The following PCDHA7 variants were observed in gnomAD, a reference collection of about 807,000 sequenced individuals.
PCDHA7 encodes protocadherin alpha-7.
PCDHA7 carries 37 observed loss-of-function variants against 57.2 expected under a neutral mutation model. The ratio of observed to expected loss-of-function variants is 0.65; its 90% CI spans 0.50 to 0.85. PCDHA7 has a LOEUF of 0.85. PCDHA7 is among the 40% of genes least tolerant of loss of function. The pLI is 0.00. For missense variants in PCDHA7, 1,188 were observed against 1,241.8 expected, an observed-to-expected ratio of 0.96 and a Z score of 0.65; for synonymous variants, 553 against 558.8, an observed-to-expected ratio of 0.99 and a Z score of 0.15.
At chr5:140,864,237 C>G (rs2048381218) in intron 1 of PCDHA7, 2 of 152,002 alleles carry the variant, frequency 1.3e-5, no homozygotes, top group Non-Finnish European at 2.9e-5. Flanking sequence ...GTTCTTTATT[C>G]CTATTCATTT....
At chr5:140,848,505 T>C in intron 1 of PCDHA7, 1 of 1,587,952 alleles carries the variant, frequency 6.3e-7, no homozygotes, top group Non-Finnish European at 8.6e-7. Flanking sequence ...AATGTTATAC[T>C]CAAGTCGAGG....
intron 1 of PCDHA7, among the ~76,000 whole-genome samples, chr5:140,942,264 G>T (rs868983277): frequency 5.9e-5 from 9 of 152,122 alleles, no homozygotes; most frequent in Non-Finnish European, 1.2e-4. Flanking sequence ...GATATCTAAA[G>T]CTGGTAATGG....
Position 140,858,116 on chromosome 5 carries a change from G to A in PCDHA7, c.2355+21378G>A, listed in dbSNP as rs140097524. The A allele has an allele frequency of 1.6e-5, 26 of 1,597,882 alleles. 1 individual carries two copies. The Middle Eastern group carries it at 5.1e-4, about 31-fold the overall frequency. Reference sequence around the variant, plus strand: ...TTCAGTGGGCGTGGCGCCCGAGGTGGCCCTGGTGGATGTCAACGTGTACCT... The same window carrying A: ...TTCAGTGGGCGTGGCGCCCGAGGTGACCCTGGTGGATGTCAACGTGTACCT... On this transcript the variant is annotated intron_variant, in intron 1 of 3. Coordinates refer to ENST00000525929, the MANE Select transcript of PCDHA7 (RefSeq NM_018910.3).
intron 1 of PCDHA7, chr5:140,852,998 C>A (rs2150526910): frequency 6.5e-6 from 2 of 309,332 alleles, no homozygotes; most frequent in East Asian, 1.7e-4. Context: ...CCTGCCTCAG[C>A]CTCCCGAGTA....
intron 1 of PCDHA7, chr5:140,841,851 A>C: frequency 6.2e-7 from 1 of 1,613,782 alleles, no homozygotes; most frequent in South Asian, 1.1e-5. Flanking sequence ...TCTCATGATT[A>C]CTTCATGCTA....
At chr5:140,856,056 C>T (rs2043749341) in intron 1 of PCDHA7, 1 of 1,586,796 alleles carries the variant, frequency 6.3e-7, no homozygotes, top group Non-Finnish European at 8.6e-7. Flanking sequence ...AAGATGGTTT[C>T]CAGATGTAGC....
intron 1 of PCDHA7, chr5:140,928,113 G>C: frequency 6.2e-7 from 1 of 1,614,228 alleles, no homozygotes; most frequent in Admixed American, 1.7e-5. Context: ...ACCGGGAGCA[G>C]ATCAGTGAAT....
intron 1 of PCDHA7, chr5:140,875,824 C>T (rs1554167977): frequency 7.4e-6 from 12 of 1,614,156 alleles, no homozygotes; most frequent in East Asian, 2.2e-5. Context: ...GCAGGTTTTC[C>T]ATGTGGACGT....
At chr5:140,999,933 A>T (rs1554257043) in intron 3 of PCDHA7, among the ~76,000 whole-genome samples, 1 of 152,124 alleles carries the variant, frequency 6.6e-6, no homozygotes, top group African/African-American at 2.4e-5. Context: ...AGCTCAACTC[A>T]TTCCACCCAA....
At position 140,835,575 on chromosome 5, in the gene PCDHA7, G is replaced by A; in HGVS notation, c.1192G>A (p.Val398Met). The A allele has an allele frequency of 6.2e-7, 1 of 1,613,870 alleles. No individual in the cohort carries two copies. ...SLTPRVPFKL[V>M]STFKNYYSLV... is the part of the protein sequence containing the mutation. ...GACGCCCCGCGTTCCCTTCAAGTTG[G>A]TGTCCACCTTCAAGAATTACTATTC... The change falls in exon 1 of 4, where the codon GTG (valine) becomes ATG (methionine). Residue 398 changes from valine to methionine, a missense_variant. Val to Met is a conservative substitution (Grantham distance 21). Transcript: ENST00000525929.
At position 140,992,285 on chromosome 5, in the gene PCDHA7, A is replaced by G. The variant is rs114469876; in HGVS notation, c.2503+9722A>G. On this transcript the variant is annotated intron_variant, in intron 3 of 3. Transcript: ENST00000525929. ...AGTTCTTTTCGTAGCACATCCCTGCAAAGGATGGGAGTATTGTTTTGGTGG... is the reference window on the plus strand; with the variant it reads ...AGTTCTTTTCGTAGCACATCCCTGCGAAGGATGGGAGTATTGTTTTGGTGG... 2.6e-3 allele frequency among the ~76,000 whole-genome samples: 395 copies of G among 152,336 alleles called. 1 individual carries two copies. The highest frequency in any genetic ancestry group is 8.7e-3 in the African/African-American group (360 of 41,578).
At chr5:140,900,373 G>T (rs1225159327) in intron 1 of PCDHA7, among the ~76,000 whole-genome samples, 2 of 152,118 alleles carry the variant, frequency 1.3e-5, no homozygotes, top group Non-Finnish European at 2.9e-5. Flanking sequence ...TGCCTCCTGG[G>T]TTCAAGCGAT....
chr5:140,864,279 T>C (rs1554158753), intron 1 of PCDHA7: 1 of 152,238 alleles, frequency 6.6e-6, no homozygotes, highest in African/African-American at 2.4e-5. Context: ...CCATTCCTTA[T>C]TGTTTTTATG....
intron 1 of PCDHA7, chr5:140,870,983 C>T (rs1554164955): frequency 1.2e-6 from 2 of 1,613,520 alleles, no homozygotes; most frequent in East Asian, 2.2e-5. Context: ...GGGCTGTACA[C>T]GGGCGAGATA....
At position 140,836,349 on chromosome 5, in the gene PCDHA7, G is replaced by T. The variant is rs2150258385; in HGVS notation, c.1966G>T (p.Glu656Ter). 6.2e-7 allele frequency: 1 copy of T among 1,613,710 alleles called. No individual in the cohort carries two copies. Among genetic ancestry groups the T allele is most frequent in the Non-Finnish European group, 8.5e-7 (1 of 1,179,838 alleles). The change falls in exon 1 of 4, where the codon GAG becomes TAG. Residue 656 changes from glutamate to a stop codon, truncating the protein, a stop_gained. Transcript: ENST00000525929. LOFTEE classifies it high-confidence loss of function. ...RLLVLVKDHGEPSLTATATVL... is the reference protein window; with the variant it reads ...RLLVLVKDHG ...TCTGGTGCTTGTGAAGGACCACGGG[G>T]AGCCCTCGCTGACAGCCACAGCCAC...
chr5:140,838,075 ATAGTGTGT>A (rs2150283132), intron 1 of PCDHA7, among the ~76,000 whole-genome samples: 16,155 of 126,956 alleles, frequency 0.13, 1,025 homozygotes, highest in Middle Eastern at 0.15. Context: ...TTATATATAT[ATAGTGTGT>A]GTGTGTGTGT....
intron 1 of PCDHA7, among the ~76,000 whole-genome samples, chr5:140,938,703 T>A: frequency 6.6e-6 from 1 of 152,170 alleles, no homozygotes; most frequent in East Asian, 1.9e-4. Flanking sequence ...AAATATATGT[T>A]TATGATAGAA....
chr5:140,898,407 C>T (rs556061781), intron 1 of PCDHA7, among the ~76,000 whole-genome samples: 90 of 152,094 alleles, frequency 5.9e-4, no homozygotes, highest in Middle Eastern at 3.4e-3. Flanking sequence ...TTTCTACATA[C>T]GGCTAGCCAG....
intron 1 of PCDHA7, chr5:140,856,310 C>A: frequency 1.3e-6 from 2 of 1,598,548 alleles, no homozygotes; most frequent in Non-Finnish European, 1.7e-6. Context: ...TGTGAATTCT[C>A]GGATTGACCG....
Sources: gnomAD v4.1 joint callset for allele counts (sites outside exome capture counted in the v4.1 genomes callset) on GRCh38, gnomAD v4.1.1 for gene constraint, MANE v1.5 for transcripts, NCBI Gene and HGNC (gene_info 2026-07-23, HGNC 2026-07-21) for gene names.